SAA2: variants seen among roughly 807,000 people sequenced by gnomAD.
The protein encoded by SAA2 is serum amyloid A2.
In SAA2, 5 loss-of-function variants were observed where a neutral mutation model predicts 9.1. The observed-to-expected ratio is 0.55, with a 90% CI of 0.29 to 1.16. The LOEUF is 1.16. Ranked by LOEUF, SAA2 falls within the 50% of genes most tolerant of loss-of-function variation. The probability of loss-of-function intolerance (pLI) is 0.09; values close to 1 mark genes in which losing one functional copy is unlikely to be tolerated. For missense variants in SAA2, 94 were observed against 153.8 expected, an observed-to-expected ratio of 0.61 and a Z score of 2.06; for synonymous variants, 49 against 59.8, an observed-to-expected ratio of 0.82 and a Z score of 0.83.
Position 18,247,934 on chromosome 11 carries a change from G to A in SAA2, c.78C>T (p.Gly26=), listed in dbSNP as rs774316977. 19 of 1,613,718 alleles carry A rather than the reference G, an allele frequency of 1.2e-5. No homozygotes were observed. Among genetic ancestry groups the A allele is most frequent in the Middle Eastern group, 1.6e-4 (1 of 6,078 alleles). ...CTGAAGCCTTACCATCAAAAGCCTC[G>A]CCAAGGAACGAAAAGAAGCTTCGGC... ...VSSRSFFSFL[G]EAFDGARDMW... The change falls in exon 2 of 4, where the codon GGC becomes GGT. Residue 26 remains glycine (G), a synonymous_variant. Coordinates refer to ENST00000256733, the MANE Select transcript of SAA2 (RefSeq NM_030754.5).
downstream of SAA2, chr11:18,242,883 G>C (rs1458350898): frequency 3.0e-5 from 21 of 688,650 alleles, no homozygotes; most frequent in East Asian, 3.8e-4. Flanking sequence ...CTATAACAAA[G>C]AGCAATGCAA....
chr11:18,238,722 T>G (rs2134130737), downstream of SAA2, among the ~76,000 whole-genome samples: 1 of 152,260 alleles, frequency 6.6e-6, no homozygotes, highest in African/African-American at 2.4e-5. Context: ...CTGACTATAG[T>G]CCCCCGTTGT....
Position 18,245,300 on chromosome 11 carries a change from A to G in SAA2, c.*77T>C, listed in dbSNP as rs1332676697. The G allele has an allele frequency of 2.3e-5, 37 of 1,595,326 alleles. No individual in the cohort carries two copies. The highest frequency in any genetic ancestry group is 2.3e-5 in the South Asian group (2 of 88,770). The stretch of plus-strand genomic sequence containing the variant: ...ATGCCATATCTCAGCTTCTCTGGAC[A>G]TAGACCTCACTAACTTTGTATCCCT... On this transcript the variant is annotated 3_prime_UTR_variant, in exon 4 of 4. Transcript: ENST00000256733.
downstream of SAA2, chr11:18,239,120 A>C (rs1857272751): frequency 6.6e-6 from 1 of 152,250 alleles, no homozygotes; most frequent in Admixed American, 6.5e-5. Flanking sequence ...TAATATATAC[A>C]GTATGTTTTC....
At chr11:18,242,723 G>A (rs910558648), downstream of SAA2, 4 of 695,774 alleles carry the variant, frequency 5.7e-6, no homozygotes, top group Non-Finnish European at 7.9e-6. Flanking sequence ...GCGCACATCT[G>A]CAGTCCCAGT....
intron 2 of SAA2, among the ~76,000 whole-genome samples, chr11:18,246,949 T>C (rs2445168): frequency 0.72 from 106,547 of 148,122 alleles, 37,542 homozygotes; most frequent in South Asian, 0.76. Flanking sequence ...CCAAGGTGTG[T>C]CTGAGATTCA....
Position 18,245,401 on chromosome 11 carries a change from A to T in SAA2, c.345T>A (p.Pro115=). 1 of 1,614,246 alleles carries T rather than the reference A, an allele frequency of 6.2e-7. No individual in the cohort carries two copies. Among genetic ancestry groups the T allele is most frequent in the Non-Finnish European group, 8.5e-7 (1 of 1,180,040 alleles). ...CTCAGTATTTCTCAGGCAGGCCAGC[A>T]GGTCGGAAGTGATTGGGGTCTCTGC... is the stretch of plus-strand genomic sequence containing the variant. ...RSGRDPNHFR[P]AGLPEKY is the part of the protein sequence containing the mutation. Residue 115 remains proline, a synonymous_variant, in exon 4 of 4, where the codon CCT becomes CCA. Coordinates refer to ENST00000256733, the MANE Select transcript of SAA2 (RefSeq NM_030754.5).
chr11:18,242,629 T>C, downstream of SAA2: 1 of 581,254 alleles, frequency 1.7e-6, no homozygotes, highest in Non-Finnish European at 3.1e-6. Context: ...GCAGATCACT[T>C]GAGCCCAGGA....
At chr11:18,247,236 G>A (rs1857589380) in intron 2 of SAA2, among the ~76,000 whole-genome samples, 1 of 152,050 alleles carries the variant, frequency 6.6e-6, no homozygotes. Flanking sequence ...GGCTGGAGAA[G>A]GAAGAATGGA....
chr11:18,248,266 A>G (rs1055663603), intron 1 of SAA2: 3 of 397,276 alleles, frequency 7.6e-6, no homozygotes, highest in African/African-American at 6.0e-5. Context: ...AGTTACCACC[A>G]GACTGTCACT....
At chr11:18,239,545 A>G in exon 4 of SAA2, 1 of 397,912 alleles carries the variant, frequency 2.5e-6, no homozygotes, top group Non-Finnish European at 4.4e-6. Flanking sequence ...TTCTCCTGCA[A>G]CCACCTTCAC....
downstream of SAA2, among the ~76,000 whole-genome samples, chr11:18,244,857 A>G (rs189393084): frequency 2.3e-3 from 346 of 152,352 alleles, 2 homozygotes; most frequent in African/African-American, 8.1e-3. Flanking sequence ...CTGAGAAATG[A>G]AAGGAAGACT....
chr11:18,243,949 C>A (rs184567730), downstream of SAA2, among the ~76,000 whole-genome samples: 1 of 152,164 alleles, frequency 6.6e-6, no homozygotes, highest in African/African-American at 2.4e-5. Context: ...CCATAGAGGG[C>A]GCTAGAGGGC....
At chr11:18,241,464 T>C (rs1857343869), downstream of SAA2, among the ~76,000 whole-genome samples, 2 of 152,030 alleles carry the variant, frequency 1.3e-5, no homozygotes, top group South Asian at 4.1e-4. Context: ...TTATTCACAG[T>C]AGCAAAAATA....
downstream of SAA2, among the ~76,000 whole-genome samples, chr11:18,240,790 C>A (rs1857324316): frequency 1.3e-5 from 2 of 152,002 alleles, no homozygotes; most frequent in Non-Finnish European, 2.9e-5. Flanking sequence ...TAGGAAAATT[C>A]TACCAAACAT....
chr11:18,241,207 G>A (rs1296160374), downstream of SAA2, among the ~76,000 whole-genome samples: 1 of 151,940 alleles, frequency 6.6e-6, no homozygotes, highest in Non-Finnish European at 1.5e-5. Context: ...CAATCAGAAT[G>A]GCTATTACTA....
chr11:18,245,322 C>T lies in SAA2; in HGVS notation c.*55G>A. 6.2e-7 allele frequency: 1 copy of T among 1,608,290 alleles called. No individual in the cohort carries two copies. The highest frequency in any genetic ancestry group is 1.3e-5 in the African/African-American group (1 of 74,942). Reference sequence around the variant, plus strand: ...GACATAGACCTCACTAACTTTGTATCCCTGCCCCGAGGGCCTCATAGCCAG... The same window carrying T: ...GACATAGACCTCACTAACTTTGTATTCCTGCCCCGAGGGCCTCATAGCCAG... On this transcript the variant is annotated 3_prime_UTR_variant, in exon 4 of 4. Coordinates refer to ENST00000256733, the MANE Select transcript of SAA2 (RefSeq NM_030754.5).
rs558668520 is a variant in SAA2, at chr11:18,245,330, C to A, written c.*47G>T. The A allele has an allele frequency of 6.2e-7, 1 of 1,610,980 alleles. No homozygotes were observed. The highest frequency in any genetic ancestry group is 8.5e-7 in the Non-Finnish European group (1 of 1,178,236). The stretch of plus-strand genomic sequence containing the variant: ...CCTCACTAACTTTGTATCCCTGCCC[C>A]GAGGGCCTCATAGCCAGGTCTCCTG... On this transcript the variant is annotated 3_prime_UTR_variant, in exon 4 of 4. Transcript: ENST00000256733.
At chr11:18,239,363 C>CT (rs1310438052) in exon 4 of SAA2, 13 of 205,214 alleles carry the variant, frequency 6.3e-5, no homozygotes, top group Admixed American at 1.2e-4. Context: ...GCCCTCATTA[C>CT]TTTTTTTTCA....
Sources: allele counts gnomAD v4.1 joint callset (sites outside exome capture counted in the v4.1 genomes callset), GRCh38; gene constraint gnomAD v4.1.1; transcripts MANE v1.5; gene names NCBI Gene and HGNC (gene_info 2026-07-23, HGNC 2026-07-21).